SCIN: variants seen among roughly 807,000 people sequenced by gnomAD.
SCIN encodes scinderin.
SCIN carries 91 observed loss-of-function variants against 91.8 expected under a neutral mutation model. The ratio of observed to expected loss-of-function variants is 0.99; its 90% CI spans 0.84 to 1.18. SCIN has a LOEUF of 1.18. SCIN is among the 50% of genes most tolerant of loss of function. The probability of loss-of-function intolerance (pLI) is 0.00; values close to 1 mark genes in which losing one functional copy is unlikely to be tolerated. For missense variants in SCIN, 1,087 were observed against 863.9 expected (o/e 1.26, Z -3.24); for synonymous variants, 367 against 312.6 (o/e 1.17, Z -1.84).
At position 12,635,917 on chromosome 7, in the gene SCIN, T is replaced by G. The variant is rs1783741588; in HGVS notation, c.1320-128T>G. 5.8e-6 allele frequency: 4 copies of G among 687,524 alleles called. No homozygotes were observed. The South Asian group carries it at 7.0e-5, about 12-fold the overall frequency. 42.6% of individuals were successfully genotyped at this position (687,524 alleles called of 1,614,324 possible). On this transcript the variant is annotated intron_variant, in intron 9 of 15. Coordinates refer to ENST00000297029, the MANE Select transcript of SCIN (RefSeq NM_001112706.3). Reference sequence around the variant, plus strand: ...TTGACAAAAACAATAGCTTAACAGCTTGTATCATGTTAAAACAGTTCGCTT... The same window carrying G: ...TTGACAAAAACAATAGCTTAACAGCGTGTATCATGTTAAAACAGTTCGCTT...
Position 12,570,836 on chromosome 7 carries a change from C to G in SCIN, c.50C>G (p.Ala17Gly). Reference sequence around the variant, plus strand: ...GAGTTCGCCCGGGCGGGCAAGCAGGCGGGGCTGCAGGTCTGGAGGATTGAG... The same window carrying G: ...GAGTTCGCCCGGGCGGGCAAGCAGGGGGGGCTGCAGGTCTGGAGGATTGAG... ...HEEFARAGKQ[A>G]GLQVWRIEKL... The change falls in exon 1 of 16, where the codon GCG (alanine) becomes GGG (glycine). Residue 17 changes from alanine to glycine, a missense_variant. Coordinates refer to ENST00000297029, the MANE Select transcript of SCIN (RefSeq NM_001112706.3). 1 of 1,551,556 alleles carries G rather than the reference C, an allele frequency of 6.4e-7. No homozygotes were observed. The highest frequency in any genetic ancestry group is 1.2e-5 in the South Asian group (1 of 84,058).
Position 12,651,974 on chromosome 7 carries a change from C to A in SCIN, c.2020+73C>A. 1.0e-6 allele frequency: 1 copy of A among 963,270 alleles called. No individual in the cohort carries two copies. The highest frequency in any genetic ancestry group is 1.6e-6 in the Non-Finnish European group (1 of 629,874). 59.7% of individuals were successfully genotyped at this position (963,270 alleles called of 1,614,324 possible). On this transcript the variant is annotated intron_variant, in intron 15 of 15. Transcript: ENST00000297029. The surrounding 1 kb of genome is among the most constrained non-coding windows in gnomAD (Gnocchi z 5.9). The stretch of plus-strand genomic sequence containing the variant: ...GACCGAGTGTCTGGCTTGCTCTTTG[C>A]CACCATGTCTTACAAAAATACATTT...
chr7:12,644,666 T>G lies in SCIN; in HGVS notation c.1842T>G (p.Pro614=). The part of the protein sequence containing the change: ...LLETQAEDHP[P]RLYGCSNKTG... ...AAACCCAGGCTGAAGACCATCCACC[T>G]CGGCTTTACGGCTGCTCTAACAAAA... is the stretch of plus-strand genomic sequence containing the variant. Residue 614 remains proline (P), a synonymous_variant, in exon 13 of 16, where the codon CCT becomes CCG. Coordinates refer to ENST00000297029, the MANE Select transcript of SCIN (RefSeq NM_001112706.3). 6.3e-7 allele frequency: 1 copy of G among 1,591,634 alleles called. No homozygotes were observed. Among genetic ancestry groups the G allele is most frequent in the Non-Finnish European group, 8.6e-7 (1 of 1,168,374 alleles).
At chr7:12,644,558 T>G (rs755801467) in intron 12 of SCIN, 26 bp from the exon 13 acceptor site, 1 of 1,609,500 alleles carries the variant, frequency 6.2e-7, no homozygotes, top group Non-Finnish European at 8.5e-7. Context: ...GAAAATGCAC[T>G]GGATAACTGA....
intron 8 of SCIN, 94 bp downstream of exon 8, chr7:12,626,893 C>T: frequency 9.0e-7 from 1 of 1,108,940 alleles, no homozygotes; most frequent in Non-Finnish European, 1.3e-6. Context: ...AGTTCGAGAT[C>T]AGCCTGGCCA....
chr7:12,635,916 C>A, intron 9 of SCIN, 129 bp from the exon 10 acceptor site: 1 of 687,028 alleles, frequency 1.5e-6, no homozygotes, highest in Non-Finnish European at 2.6e-6. Flanking sequence ...AGCTTAACAG[C>A]TTGTATCATG....
intron 5 of SCIN, 84 bp downstream of exon 5, chr7:12,622,977 T>G (rs2115271176): frequency 1.1e-6 from 1 of 902,730 alleles, no homozygotes; most frequent in Admixed American, 2.1e-5. Context: ...TTCCCGTTGC[T>G]GCAGTTGAGA....
At position 12,625,123 on chromosome 7, in the gene SCIN, A is replaced by G. The variant is rs1164057037; in HGVS notation, c.873A>G (p.Lys291=). ...ECFILDHGAA[K]QIFVWKGKDA... ...TTATTTTGGACCACGGGGCTGCCAA[A>G]CAAATTTTCGTATGGAAAGGTAAAA... Residue 291 remains lysine, a synonymous_variant, in exon 6 of 16, where the codon AAA becomes AAG. Transcript: ENST00000297029. The G allele has an allele frequency of 6.2e-7, 1 of 1,608,370 alleles. No individual in the cohort carries two copies. The highest frequency in any genetic ancestry group is 2.2e-5 in the East Asian group (1 of 44,710).
At chr7:12,572,557 T>C (rs1782291284) in intron 1 of SCIN, among the ~76,000 whole-genome samples, 1 of 152,204 alleles carries the variant, frequency 6.6e-6, no homozygotes, top group Non-Finnish European at 1.5e-5. Flanking sequence ...AGCAGTTAAG[T>C]TTGACTTTGT....
chr7:12,592,276 G>A (rs1458039203), intron 3 of SCIN, among the ~76,000 whole-genome samples: 2 of 152,112 alleles, frequency 1.3e-5, no homozygotes, highest in Admixed American at 1.3e-4. Context: ...GAATAGGGAG[G>A]ACAGCTTGAC....
chr7:12,588,803 TTGGGTGGGGGGGGGGGGGTGCGGGGG>T (rs1782645770), intron 3 of SCIN: 1 of 3,528 alleles, frequency 2.8e-4, no homozygotes, highest in African/African-American at 1.1e-3. Flanking sequence ...GACAGCTGCA[TTGGGTGGGGGGGGGGGGGTGCGGGGG>T]CGGGTGGGAA....
At chr7:12,617,392 T>C (rs1264541605) in intron 4 of SCIN, among the ~76,000 whole-genome samples, 2 of 151,970 alleles carry the variant, frequency 1.3e-5, no homozygotes, top group East Asian at 3.8e-4. Context: ...AAGGGAGGTG[T>C]CAAAAAGACA....
intron 1 of SCIN, 114 bp downstream of exon 1, chr7:12,571,099 C>T: frequency 8.5e-7 from 1 of 1,177,030 alleles, no homozygotes; most frequent in Non-Finnish European, 1.2e-6. Flanking sequence ...GAGCTAGCCA[C>T]TCGCGCCCCC....
At chr7:12,606,875 C>G (rs888589591) in intron 4 of SCIN, among the ~76,000 whole-genome samples, 2 of 152,126 alleles carry the variant, frequency 1.3e-5, no homozygotes. Flanking sequence ...GCTAATAAAT[C>G]AGACTTTGAA....
At chr7:12,599,657 T>C (rs1782917515) in intron 3 of SCIN, among the ~76,000 whole-genome samples, 1 of 152,144 alleles carries the variant, frequency 6.6e-6, no homozygotes, top group African/African-American at 2.4e-5. Flanking sequence ...AAGTGTTCCC[T>C]TTCACCACAC....
Position 12,657,574 on chromosome 7 carries a change from T to TATATATATATC in SCIN, c.*4859_*4860insATATATATATC, listed in dbSNP as rs1562642496. 1 of 20,286 alleles carries TATATATATATC rather than the reference T, an allele frequency of 4.9e-5. No individual in the cohort carries two copies. The highest frequency in any genetic ancestry group is 8.6e-5 in the Non-Finnish European group (1 of 11,610). The allele number at this position is 20,286 out of a possible 1,614,324, so 1.3% of individuals were successfully genotyped here. On this transcript the variant is annotated 3_prime_UTR_variant, in exon 16 of 16. Transcript: ENST00000297029. ...TATATATATATATATATATATATAT[T>TATATATATATC]TTTTTTTTTTTTTTTTTTTTTTTTG... is the stretch of plus-strand genomic sequence containing the variant.
chr7:12,622,508 T>G (rs1349983873), intron 4 of SCIN, among the ~76,000 whole-genome samples: 1 of 152,148 alleles, frequency 6.6e-6, no homozygotes, highest in Non-Finnish European at 1.5e-5. Context: ...ATTAATTCCT[T>G]CTAGCTTTCA....
intron 1 of SCIN, among the ~76,000 whole-genome samples, chr7:12,572,033 C>T (rs781556259): frequency 3.3e-5 from 5 of 152,190 alleles, no homozygotes; most frequent in Non-Finnish European, 7.3e-5. Flanking sequence ...CACAAAACCA[C>T]ACACACTTAC....
intron 3 of SCIN, among the ~76,000 whole-genome samples, chr7:12,592,024 G>T (rs771723456): frequency 6.6e-6 from 1 of 152,166 alleles, no homozygotes; most frequent in East Asian, 1.9e-4. Flanking sequence ...AGGAAGTAAG[G>T]TTTCGGGCTA....
Sources: gnomAD v4.1 joint callset for allele counts (sites outside exome capture counted in the v4.1 genomes callset) on GRCh38, gnomAD v4.1.1 for gene constraint, Gnocchi (gnomAD v3.1) non-coding constraint, MANE v1.5 for transcripts, NCBI Gene and HGNC (gene_info 2026-07-23, HGNC 2026-07-21) for gene names.